Variants in MTNR1A observed in about 807,000 individuals in gnomAD.
MTNR1A encodes melatonin receptor type 1A.
Under a neutral mutation model 5.5 loss-of-function variants are expected in MTNR1A, and 7 were observed. The observed-to-expected ratio is 1.28, with a 90% CI of 0.73 to 2.40. The LOEUF is 2.40. Among genes scored for constraint, MTNR1A ranks in the 30% most tolerant of loss-of-function variants. The probability of loss-of-function intolerance (pLI) is 0.00; values close to 1 mark genes in which losing one functional copy is unlikely to be tolerated. For synonymous variants in MTNR1A, 196 were observed against 202.7 expected (o/e 0.97, Z 0.28); for missense variants, 441 against 464.4 (o/e 0.95, Z 0.46).
At position 186,534,670 on chromosome 4, in the gene MTNR1A, G is replaced by A. The variant is rs1328448818; in HGVS notation, c.185-113C>T. On this transcript the variant is annotated intron_variant, in intron 1 of 1. Coordinates refer to ENST00000307161, the MANE Select transcript of MTNR1A (RefSeq NM_005958.4). Reference sequence around the variant, plus strand: ...AGCTCCGATGACCTGACGTCACAGCGGCGGCCGCACTGCAAATGAAGTGGA... The same window carrying A: ...AGCTCCGATGACCTGACGTCACAGCAGCGGCCGCACTGCAAATGAAGTGGA... 4 of 1,332,056 alleles carry A rather than the reference G, an allele frequency of 3.0e-6. No individual in the cohort carries two copies. In the South Asian group the frequency reaches 3.7e-5, roughly 12 times the overall value. 82.5% of individuals were successfully genotyped at this position (1,332,056 alleles called of 1,614,324 possible).
At position 186,543,944 on chromosome 4, in the gene MTNR1A, G is replaced by T. The variant is rs139189045; in HGVS notation, c.185-9387C>A. Among the ~76,000 whole-genome samples the T allele has an allele frequency of 3.3e-3, 502 of 152,282 alleles. 2 individuals carry two copies. Among genetic ancestry groups the T allele is most frequent in the African/African-American group, 0.01 (431 of 41,554 alleles). ...AATTCTGTTTTCTGCATAATTATAG[G>T]ATAGCCTCACCCACAAAAGAATTTT... is the stretch of plus-strand genomic sequence containing the variant. On this transcript the variant is annotated intron_variant, in intron 1 of 1. Coordinates refer to ENST00000307161, the MANE Select transcript of MTNR1A (RefSeq NM_005958.4).
Position 186,533,813 on chromosome 4 carries a change from A to C in MTNR1A, c.929T>G (p.Ile310Arg), listed in dbSNP as rs369511323. ...QNFRKEYRRI[I>R]VSLCTARVFF... is the part of the protein sequence containing the mutation. ...CACCCTGGCTGTACAGAGCGAGACT[A>C]TAATTCTCCTGTATTCCTTCCTGAA... The change falls in exon 2 of 2, where the codon ATA becomes AGA. Residue 310 changes from isoleucine to arginine, a missense_variant. Coordinates refer to ENST00000307161, the MANE Select transcript of MTNR1A (RefSeq NM_005958.4). The C allele has an allele frequency of 6.2e-7, 1 of 1,614,194 alleles. No homozygotes were observed. Among genetic ancestry groups the C allele is most frequent in the Non-Finnish European group, 8.5e-7 (1 of 1,180,038 alleles).
intron 1 of MTNR1A, among the ~76,000 whole-genome samples, chr4:186,540,581 C>T (rs764030924): frequency 7.2e-5 from 11 of 152,250 alleles, no homozygotes; most frequent in Non-Finnish European, 1.6e-4. Context: ...AACATGGACC[C>T]CCAAGTGACC....
rs1451359255 is a variant in MTNR1A at position 186,547,263 on chromosome 4, CAT to C, written c.184+7917_184+7918del. Among the ~76,000 whole-genome samples, 55 of 71,156 alleles carry C rather than the reference CAT, an allele frequency of 7.7e-4. 15 individuals are homozygous for C. The highest frequency in any genetic ancestry group is 3.2e-3 in the East Asian group (5 of 1,552). The allele number at this position is 71,156 out of a possible 152,430, so 46.7% of individuals were successfully genotyped here. On this transcript the variant is annotated intron_variant, in intron 1 of 1. Coordinates refer to ENST00000307161, the MANE Select transcript of MTNR1A (RefSeq NM_005958.4). ...CACACCGTCCACACCACACCCTGTT[CAT>C]GGGACACACCGTCCACGCCACACCC... is the stretch of plus-strand genomic sequence containing the variant.
rs1050934349 is a variant in MTNR1A at position 186,534,459 on chromosome 4, G to A, written c.283C>T (p.Leu95=). ...LMSIFNNGWN[L]GYLHCQVSGF... is the part of the protein sequence containing the mutation. ...CTGACTTGGCAGTGCAGATAGCCCAGGTTCCACCCGTTGTTAAATATCGAC... is the reference window on the plus strand; with the variant it reads ...CTGACTTGGCAGTGCAGATAGCCCAAGTTCCACCCGTTGTTAAATATCGAC... The change falls in exon 2 of 2, where the codon CTG becomes TTG. Residue 95 remains leucine, a synonymous_variant. Transcript: ENST00000307161. 6.2e-7 allele frequency: 1 copy of A among 1,614,062 alleles called. No individual in the cohort carries two copies. Among genetic ancestry groups the A allele is most frequent in the Non-Finnish European group, 8.5e-7 (1 of 1,180,058 alleles).
intron 1 of MTNR1A, among the ~76,000 whole-genome samples, chr4:186,535,753 T>A (rs1001356524): frequency 6.6e-6 from 1 of 152,218 alleles, no homozygotes; most frequent in Non-Finnish European, 1.5e-5. Flanking sequence ...ATATGTTTTT[T>A]TTCTTTTGCG....
rs746167557 is a variant in MTNR1A at position 186,555,220 on chromosome 4, A to T, written c.146T>A (p.Ile49Asn). ...VVDILGNLLV[I>N]LSVYRNKKLR... is the part of the protein sequence containing the mutation. ...CTTCTTGTTCCGATACACCGACAGG[A>T]TGACCAGGAGGTTGCCCAGGATGTC... Residue 49 changes from isoleucine to asparagine, a missense_variant, in exon 1 of 2, where the codon ATC (isoleucine) becomes AAC (asparagine). Physicochemically the swap from Ile to Asn is moderately radical, Grantham distance 149. Transcript: ENST00000307161. This position sits in a 1 kb window ranked among gnomAD's most constrained non-coding sequence, Gnocchi z 4.1. The T allele has an allele frequency of 3.8e-6, 6 of 1,592,640 alleles. No individual in the cohort carries two copies. The highest frequency in any genetic ancestry group is 5.1e-6 in the Non-Finnish European group (6 of 1,170,284).
chr4:186,535,188 C>G (rs980127466), intron 1 of MTNR1A, among the ~76,000 whole-genome samples: 2 of 152,072 alleles, frequency 1.3e-5, no homozygotes, highest in Admixed American at 1.3e-4. Flanking sequence ...GTGGTGAGCA[C>G]GAGATGAGAC....
At chr4:186,545,750 C>CAGTA (rs529740187) in intron 1 of MTNR1A, among the ~76,000 whole-genome samples, 65 of 151,990 alleles carry the variant, frequency 4.3e-4, no homozygotes, top group Non-Finnish European at 8.8e-4. Flanking sequence ...TCACGAAGAC[C>CAGTA]AGTAATAAAG....
In MTNR1A at chr4:186,555,406, T is replaced by C. The variant is rs1737351117; in HGVS notation, c.-41A>G. On this transcript the variant is annotated 5_prime_UTR_variant, in exon 1 of 2. Coordinates refer to ENST00000307161, the MANE Select transcript of MTNR1A (RefSeq NM_005958.4). The surrounding 1 kb of genome is among the most constrained non-coding windows in gnomAD (Gnocchi z 4.1). ...CCCGGCCGCGGGGCCATCGCCCGCC[T>C]CGTCCGCCCGCCCGACCACTTGTTA... is the stretch of plus-strand genomic sequence containing the variant. 1 of 1,349,256 alleles carries C rather than the reference T, an allele frequency of 7.4e-7. No individual in the cohort carries two copies. The highest frequency in any genetic ancestry group is 2.0e-5 in the South Asian group (1 of 51,150). The allele number at this position is 1,349,256 out of a possible 1,614,324, so 83.6% of individuals were successfully genotyped here. A position where few individuals can be genotyped will look rare whatever the true frequency, so the allele number is the denominator to read the frequency against.
chr4:186,534,903 A>G (rs914688806), intron 1 of MTNR1A, among the ~76,000 whole-genome samples: 1 of 152,166 alleles, frequency 6.6e-6, no homozygotes, highest in East Asian at 1.9e-4. Context: ...CACCTGAGAA[A>G]TCTCATATGA....
intron 1 of MTNR1A, among the ~76,000 whole-genome samples, chr4:186,549,206 A>T (rs928232722): frequency 4.9e-5 from 3 of 60,636 alleles, no homozygotes; most frequent in African/African-American, 1.7e-4. Flanking sequence ...ATGAAAGCAC[A>T]ATATCCCTTC....
At chr4:186,539,985 T>A (rs1736973184) in intron 1 of MTNR1A, among the ~76,000 whole-genome samples, 1 of 152,298 alleles carries the variant, frequency 6.6e-6, no homozygotes, top group South Asian at 2.1e-4. Flanking sequence ...GAAAGAGGCT[T>A]AATGGACTTA....
chr4:186,555,195 C>A lies in MTNR1A; in HGVS notation c.171G>T (p.Lys57Asn). Residue 57 changes from lysine to asparagine, a missense_variant, in exon 1 of 2, where the codon AAG becomes AAT. Lys to Asn is a moderately conservative substitution (Grantham distance 94). Transcript: ENST00000307161. This position sits in a 1 kb window ranked among gnomAD's most constrained non-coding sequence, Gnocchi z 4.1. ...LVILSVYRNK[K>N]LRNAGNIFVV... ...CGCGGGCCCTACCTGCGTTCCTGAG[C>A]TTCTTGTTCCGATACACCGACAGGA... is the stretch of plus-strand genomic sequence containing the variant. 2 of 1,594,376 alleles carry A rather than the reference C, an allele frequency of 1.3e-6. No homozygotes were observed. The highest frequency in any genetic ancestry group is 1.7e-6 in the Non-Finnish European group (2 of 1,171,064).
chr4:186,543,550 T>C (rs62350390), intron 1 of MTNR1A, among the ~76,000 whole-genome samples: 2,015 of 152,322 alleles, frequency 0.013, 21 homozygotes, highest in Middle Eastern at 0.041. Context: ...TTTGTGAATA[T>C]AGTAATAACT....
Position 186,533,955 on chromosome 4 carries a change from A to G in MTNR1A, c.787T>C (p.Ser263Pro). The G allele has an allele frequency of 6.2e-7, 1 of 1,614,200 alleles. No individual in the cohort carries two copies. Among genetic ancestry groups the G allele is most frequent in the Non-Finnish European group, 8.5e-7 (1 of 1,180,036 alleles). ...CTAGGCACCATGCTGGCGGGGTCAG[A>G]GGCCACGGCCAGGCCAATGAAGTTC... Reference protein sequence around the residue: ...PLNFIGLAVASDPASMVPRIP... With the variant: ...PLNFIGLAVAPDPASMVPRIP... Residue 263 changes from serine (S) to proline (P), a missense_variant, in exon 2 of 2, where the codon TCT becomes CCT. Coordinates refer to ENST00000307161, the MANE Select transcript of MTNR1A (RefSeq NM_005958.4).
chr4:186,548,254 A>G (rs1303194813), intron 1 of MTNR1A, among the ~76,000 whole-genome samples: 1 of 152,212 alleles, frequency 6.6e-6, no homozygotes, highest in Non-Finnish European at 1.5e-5. Flanking sequence ...TGCTAAATCC[A>G]AAAGAGAGTT....
intron 1 of MTNR1A, among the ~76,000 whole-genome samples, chr4:186,536,143 C>T (rs11735615): frequency 0.75 from 112,951 of 151,406 alleles, 42,665 homozygotes; most frequent in Middle Eastern, 0.82. Flanking sequence ...GTCAGGAGTT[C>T]AGGACCAGCC....
Position 186,555,502 on chromosome 4 carries a change from C to A in MTNR1A, c.-137G>T. On this transcript the variant is annotated 5_prime_UTR_variant, in exon 1 of 2. Transcript: ENST00000307161. This position sits in a 1 kb window ranked among gnomAD's most constrained non-coding sequence, Gnocchi z 4.1. Reference sequence around the variant, plus strand: ...TCCTCCACGCCGCGCCCCCGGACGCCCACGCCGCGCCGGACGCCACGGCCA... The same window carrying A: ...TCCTCCACGCCGCGCCCCCGGACGCACACGCCGCGCCGGACGCCACGGCCA... The A allele has an allele frequency of 1.6e-6, 1 of 613,412 alleles. No individual in the cohort carries two copies. The highest frequency in any genetic ancestry group is 7.9e-5 in the South Asian group (1 of 12,666). The allele number at this position is 613,412 out of a possible 1,614,324, so 38.0% of individuals were successfully genotyped here. A position where few individuals can be genotyped will look rare whatever the true frequency, so the allele number is the denominator to read the frequency against.
Sources: gnomAD v4.1 joint callset for allele counts (sites outside exome capture counted in the v4.1 genomes callset) on GRCh38, gnomAD v4.1.1 for gene constraint, Gnocchi (gnomAD v3.1) non-coding constraint, MANE v1.5 for transcripts, NCBI Gene and HGNC (gene_info 2026-07-23, HGNC 2026-07-21) for gene names.